The following TRPM3 variants were observed in gnomAD, a reference collection of about 807,000 sequenced individuals.
TRPM3 encodes the protein transient receptor potential cation channel subfamily M member 3, also known as long transient receptor potential channel 3.
A neutral mutation model predicts 181.2 loss-of-function variants in TRPM3; 77 were observed. That is an observed-to-expected ratio of 0.42 (90% CI 0.35 to 0.51). The LOEUF is 0.51. Ranked by LOEUF, TRPM3 falls within the 20% of genes least tolerant of loss-of-function variation. The pLI is 0.01. For synonymous variants in TRPM3, 745 were observed against 796.4 expected (o/e 0.94, Z 1.09); for missense variants, 1,759 against 2,196.7 (o/e 0.80, Z 3.98).
intron 1 of TRPM3, among the ~76,000 whole-genome samples, chr9:71,364,395 G>A (rs2092265148): frequency 6.6e-6 from 1 of 152,202 alleles, no homozygotes; most frequent in South Asian, 2.1e-4. Context: ...TACTCTTCTG[G>A]ACATTTCCAA....
chr9:71,161,536 G>T (rs932826729), intron 1 of TRPM3, among the ~76,000 whole-genome samples: 5 of 152,076 alleles, frequency 3.3e-5, no homozygotes, highest in Non-Finnish European at 5.9e-5. Context: ...TAAACCCTAA[G>T]CCTTGAAAAT....
At chr9:70,635,387 A>AAC in intron 11 of TRPM3, 126 bp from the exon 12 acceptor site, 1 of 660,404 alleles carries the variant, frequency 1.5e-6, no homozygotes, top group South Asian at 1.8e-5. Flanking sequence ...ACCTTGTTCT[A>AAC]GTTGCTCAGT....
At chr9:71,209,181 C>T (rs2079315591) in intron 1 of TRPM3, among the ~76,000 whole-genome samples, 1 of 152,048 alleles carries the variant, frequency 6.6e-6, no homozygotes. Context: ...AAGGAATAAG[C>T]TTTTCACTTC....
intron 20 of TRPM3, among the ~76,000 whole-genome samples, chr9:70,599,203 A>G (rs776103778): frequency 1.3e-5 from 2 of 152,100 alleles, no homozygotes; most frequent in Non-Finnish European, 2.9e-5. Flanking sequence ...TGGTATCCCC[A>G]TCATCGTCAT....
At chr9:71,276,448 G>A (rs1211980342) in intron 1 of TRPM3, among the ~76,000 whole-genome samples, 1 of 151,976 alleles carries the variant, frequency 6.6e-6, no homozygotes, top group Non-Finnish European at 1.5e-5. Context: ...ATATTACTAT[G>A]TAGCATATAC....
chr9:70,537,345 A>C lies in TRPM3; in HGVS notation c.3768T>G (p.Ala1256=), dbSNP rs545344912. Residue 1256 remains alanine, a synonymous_variant, in exon 26 of 26, where the codon GCT becomes GCG. Transcript: ENST00000677713. ...EVNEREHSMK[A]SLQTVDIRLA... ...GCCGGATGTCCACGGTCTGGAGTGAAGCCTTCATGGAGTGCTCTCTCTCGT... is the reference window on the plus strand; with the variant it reads ...GCCGGATGTCCACGGTCTGGAGTGACGCCTTCATGGAGTGCTCTCTCTCGT... The C allele has an allele frequency of 5.9e-5, 90 of 1,514,064 alleles. No homozygotes were observed. In the South Asian group the frequency reaches 1.1e-3, roughly 18 times the overall value. The allele number at this position is 1,514,064 out of a possible 1,614,324, so 93.8% of individuals were successfully genotyped here. A position where few individuals can be genotyped will look rare whatever the true frequency, so the allele number is the denominator to read the frequency against.
intron 1 of TRPM3, among the ~76,000 whole-genome samples, chr9:71,290,494 A>G (rs1256319233): frequency 6.6e-6 from 1 of 152,112 alleles, no homozygotes. Flanking sequence ...TAGAACAAAG[A>G]TATTTTCAGA....
intron 1 of TRPM3, among the ~76,000 whole-genome samples, chr9:71,420,637 AAGAGAG>A (rs1317884324): frequency 7.4e-6 from 1 of 134,874 alleles, no homozygotes; most frequent in Non-Finnish European, 1.7e-5. Context: ...GAAAAAGAAA[AAGAGAG>A]AGAAAGAGAA....
chr9:71,205,932 A>C (rs532561422), intron 1 of TRPM3, among the ~76,000 whole-genome samples: 1 of 152,350 alleles, frequency 6.6e-6, no homozygotes, highest in South Asian at 2.1e-4. Context: ...GAAAATAAGC[A>C]AATGAAACTC....
chr9:71,323,748 A>T (rs1257240186), intron 1 of TRPM3, among the ~76,000 whole-genome samples: 1 of 152,144 alleles, frequency 6.6e-6, no homozygotes, highest in Non-Finnish European at 1.5e-5. Context: ...GTGAAGGAAA[A>T]ATAAAGTTGA....
chr9:70,770,612 A>G (rs1050631095), intron 7 of TRPM3, among the ~76,000 whole-genome samples: 1 of 152,218 alleles, frequency 6.6e-6, no homozygotes, highest in Non-Finnish European at 1.5e-5. Context: ...CTTTGGCTGT[A>G]ATACAGCTCC....
At chr9:71,120,925 C>T (rs2073501344) in intron 1 of TRPM3, among the ~76,000 whole-genome samples, 7 of 150,470 alleles carry the variant, frequency 4.7e-5, no homozygotes, top group Admixed American at 4.6e-4. Flanking sequence ...CCAGGTAGCC[C>T]ATTCTCTGAG....
At chr9:71,012,629 A>T (rs2134390259) in intron 1 of TRPM3, among the ~76,000 whole-genome samples, 1 of 151,840 alleles carries the variant, frequency 6.6e-6, no homozygotes, top group Middle Eastern at 3.4e-3. Context: ...AGTGCTTTAA[A>T]GTTTTCCTCA....
At chr9:71,269,577 T>C (rs1279355487) in intron 1 of TRPM3, among the ~76,000 whole-genome samples, 2 of 152,186 alleles carry the variant, frequency 1.3e-5, no homozygotes, top group African/African-American at 4.8e-5. Flanking sequence ...AGTGGGCTCT[T>C]CTTTTATGTC....
intron 1 of TRPM3, among the ~76,000 whole-genome samples, chr9:70,999,637 T>C (rs180844889): frequency 6.6e-6 from 1 of 152,336 alleles, no homozygotes; most frequent in East Asian, 1.9e-4. Context: ...CATACTTTAA[T>C]TGCCATTATT....
In TRPM3 at chr9:70,939,783, G is replaced by A. The variant is rs1318420182; in HGVS notation, c.178-75272C>T. Among the ~76,000 whole-genome samples, 5 of 152,210 alleles carry A rather than the reference G, an allele frequency of 3.3e-5. No individual in the cohort carries two copies. In the South Asian group the frequency reaches 8.3e-4, roughly 25 times the overall value. ...CTCATTCTCTAGCCCTGGGGAAGTC[G>A]CTTCTACTTGGCATTCTCATCTATT... On this transcript the variant is annotated intron_variant, in intron 1 of 25. Transcript: ENST00000677713.
At chr9:70,867,357 C>A (rs1222141771) in intron 1 of TRPM3, among the ~76,000 whole-genome samples, 1 of 152,016 alleles carries the variant, frequency 6.6e-6, no homozygotes, top group Non-Finnish European at 1.5e-5. Context: ...CCATTGTTAA[C>A]CTGGAAAGCA....
chr9:70,548,559 C>T (rs1356653214), intron 25 of TRPM3, among the ~76,000 whole-genome samples: 1 of 152,210 alleles, frequency 6.6e-6, no homozygotes, highest in African/African-American at 2.4e-5. Flanking sequence ...AAGCCTGAGC[C>T]ATTCTGACTA....
At chr9:71,057,592 T>C (rs2060810512) in intron 1 of TRPM3, among the ~76,000 whole-genome samples, 1 of 152,056 alleles carries the variant, frequency 6.6e-6, no homozygotes, top group Admixed American at 6.6e-5. Flanking sequence ...TTCATATTAT[T>C]AGCTCTAATC....
Sources: gnomAD v4.1 joint callset for allele counts (sites outside exome capture counted in the v4.1 genomes callset) on GRCh38, gnomAD v4.1.1 for gene constraint, MANE v1.5 for transcripts, NCBI Gene and HGNC (gene_info 2026-07-23, HGNC 2026-07-21) for gene names.